Variants in CFAP45 observed in about 807,000 individuals in gnomAD.
CFAP45 encodes the protein cilia- and flagella-associated protein 45.
In CFAP45, 43 loss-of-function variants were observed where a neutral mutation model predicts 75.6. The ratio of observed to expected loss-of-function variants is 0.57; its 90% CI spans 0.45 to 0.73. CFAP45 has a LOEUF of 0.73. CFAP45 is among the 30% of genes least tolerant of loss of function. The pLI is 0.00. For synonymous variants in CFAP45, 223 were observed against 244.6 expected, an observed-to-expected ratio of 0.91 and a Z score of 0.82; for missense variants, 689 against 701.5, an observed-to-expected ratio of 0.98 and a Z score of 0.20.
rs758241535 is a variant in CFAP45, at chr1:159,884,532, C to A, written c.801G>T (p.Lys267Asn). 5.6e-6 allele frequency: 9 copies of A among 1,613,816 alleles called. No homozygotes were observed. In the East Asian group the frequency reaches 2.0e-4, roughly 36 times the overall value. ...GRRQIVEQME[K>N]NQEERSLLAE... ...CAAGCAGCGATCGCTCCTCCTGGTT[C>A]TTTTCCATCTGTTCCACAATTTGCC... Residue 267 changes from lysine to asparagine, a missense_variant, in exon 7 of 12, where the codon AAG becomes AAT. Lys to Asn is a moderately conservative substitution (Grantham distance 94). Coordinates refer to ENST00000368099, the MANE Select transcript of CFAP45 (RefSeq NM_012337.3).
intron 1 of CFAP45, among the ~76,000 whole-genome samples, chr1:159,894,190 C>T (rs1263137992): frequency 6.6e-6 from 1 of 152,024 alleles, no homozygotes; most frequent in Non-Finnish European, 1.5e-5. Flanking sequence ...AGCTGAAGGC[C>T]AAGTCGGCCA....
Position 159,886,340 on chromosome 1 carries a change from T to TA in CFAP45, c.767+170dup, listed in dbSNP as rs11303028. Among the ~76,000 whole-genome samples the TA allele has an allele frequency of 3.0e-3, 431 of 141,504 alleles. 1 individual carries two copies. Among genetic ancestry groups the TA allele is most frequent in the African/African-American group, 5.0e-3 (194 of 38,792 alleles). 92.8% of individuals were successfully genotyped at this position (141,504 alleles called of 152,430 possible). A position where few individuals can be genotyped will look rare whatever the true frequency, so the allele number is the denominator to read the frequency against. ...CTGGGCGACAGAGTGAGACTCCCTC[T>TA]AAAAAAAAAAAAAAGTTCTGTGATT... On this transcript the variant is annotated intron_variant, in intron 6 of 11. Transcript: ENST00000368099.
At chr1:159,892,676 G>A (rs937457398) in intron 2 of CFAP45, among the ~76,000 whole-genome samples, 1 of 152,156 alleles carries the variant, frequency 6.6e-6, no homozygotes, top group African/African-American at 2.4e-5. Flanking sequence ...TAGACTAAAG[G>A]AGTTGTCCAC....
rs1278224704 is a variant in CFAP45 at position 159,888,496 on chromosome 1, A to G, written c.273T>C (p.Ile91=). The G allele has an allele frequency of 6.2e-7, 1 of 1,613,770 alleles. No individual in the cohort carries two copies. Among genetic ancestry groups the G allele is most frequent in the South Asian group, 1.1e-5 (1 of 91,066 alleles). The part of the protein sequence containing the change: ...LITRDMVREL[I]VPTEDPSGES... Reference sequence around the variant, plus strand: ...CCCCGGAGGGATCCTCTGTGGGAACACTGTCACAAGAATAAACAGAGTTAG... The same window carrying G: ...CCCCGGAGGGATCCTCTGTGGGAACGCTGTCACAAGAATAAACAGAGTTAG... The change falls in exon 4 of 12, where the codon ATT becomes ATC. Residue 91 remains isoleucine, a splice_region_variant and synonymous_variant. Transcript: ENST00000368099.
chr1:159,892,053 G>A (rs1412668861), intron 2 of CFAP45, among the ~76,000 whole-genome samples: 1 of 152,178 alleles, frequency 6.6e-6, no homozygotes, highest in Non-Finnish European at 1.5e-5. Flanking sequence ...TTGGGAGGTC[G>A]AGGTGGGCAG....
chr1:159,893,398 G>A, intron 1 of CFAP45, 93 bp from the exon 2 acceptor site: 1 of 1,247,010 alleles, frequency 8.0e-7, no homozygotes, highest in Admixed American at 1.8e-5. Context: ...CTGGGGGAGT[G>A]GGTGGGCATG....
chr1:159,894,935 TG>T (rs1335458221), intron 1 of CFAP45, among the ~76,000 whole-genome samples: 1 of 152,186 alleles, frequency 6.6e-6, no homozygotes, highest in East Asian at 1.9e-4. Context: ...TTGGCAGTTT[TG>T]GGGGTGCAAC....
intron 1 of CFAP45, among the ~76,000 whole-genome samples, chr1:159,894,102 A>G (rs115748709): frequency 6.6e-6 from 1 of 152,160 alleles, no homozygotes; most frequent in Non-Finnish European, 1.5e-5. Flanking sequence ...AAATGTGTAC[A>G]ATCATTATGT....
chr1:159,873,379 T>C, intron 10 of CFAP45: 1 of 592,820 alleles, frequency 1.7e-6, no homozygotes, highest in Non-Finnish European at 3.0e-6. Flanking sequence ...CAGGACTAGC[T>C]CCAGGGTCGC....
intron 7 of CFAP45, 74 bp downstream of exon 7, chr1:159,884,362 C>T (rs953973004): frequency 6.1e-6 from 9 of 1,485,542 alleles, no homozygotes; most frequent in Middle Eastern, 1.8e-4. Context: ...AGTCAACACC[C>T]TGAAACCCCA....
chr1:159,893,013 CA>C (rs1197750288), intron 2 of CFAP45, among the ~76,000 whole-genome samples, 166 bp downstream of exon 2: 1 of 152,176 alleles, frequency 6.6e-6, no homozygotes, highest in African/African-American at 2.4e-5. Flanking sequence ...ACATAGGCCC[CA>C]CTAGATCCCA....
rs1194039564 is a variant in CFAP45, at chr1:159,873,293, C to A, written c.1353-125G>T. On this transcript the variant is annotated intron_variant, in intron 10 of 11. Transcript: ENST00000368099. ...GCCTCAGAGACCACAGCCCTCTGGG[C>A]TCCAGCCCCATTTTGTAACTCAAGG... 4.2e-6 allele frequency: 3 copies of A among 717,378 alleles called. No homozygotes were observed. The South Asian group carries it at 5.4e-5, about 13-fold the overall frequency. 44.4% of individuals were successfully genotyped at this position (717,378 alleles called of 1,614,324 possible). A position where few individuals can be genotyped will look rare whatever the true frequency, so the allele number is the denominator to read the frequency against.
chr1:159,890,275 T>A (rs867734728), intron 3 of CFAP45, among the ~76,000 whole-genome samples: 9 of 152,150 alleles, frequency 5.9e-5, no homozygotes, highest in South Asian at 4.1e-4. Flanking sequence ...ACAGTGGCAA[T>A]AATAGATACA....
At chr1:159,885,682 G>C (rs570276658) in intron 6 of CFAP45, among the ~76,000 whole-genome samples, 34 of 152,272 alleles carry the variant, frequency 2.2e-4, no homozygotes, top group African/African-American at 7.9e-4. Context: ...AACTGGATAC[G>C]AAAGGACCTG....
chr1:159,872,793 C>A, intron 11 of CFAP45, 151 bp downstream of exon 11: 1 of 841,374 alleles, frequency 1.2e-6, no homozygotes, highest in Middle Eastern at 3.2e-4. Context: ...GAGCCCCCTT[C>A]AGAGGGATGA....
At chr1:159,890,128 T>A (rs769860800) in intron 3 of CFAP45, among the ~76,000 whole-genome samples, 1 of 152,198 alleles carries the variant, frequency 6.6e-6, no homozygotes, top group Non-Finnish European at 1.5e-5. Context: ...AGGAAGTGAC[T>A]CATCTGGATC....
chr1:159,881,493 C>T (rs771992018), intron 7 of CFAP45, among the ~76,000 whole-genome samples: 4 of 152,234 alleles, frequency 2.6e-5, no homozygotes, highest in Non-Finnish European at 5.9e-5. Context: ...CGCTCTGCCC[C>T]AGTTACAGGA....
At position 159,872,580 on chromosome 1, in the gene CFAP45, G is replaced by A. The variant is rs1268679142; in HGVS notation, c.1578-17C>T. 2.0e-5 allele frequency: 32 copies of A among 1,611,270 alleles called. No homozygotes were observed. The highest frequency in any genetic ancestry group is 2.7e-5 in the Non-Finnish European group (32 of 1,177,360). ...CCAGTGGCTCTGCCGGGGAAACGCA[G>A]GCAGGTATAAGGAAAGGTATTGGAC... On this transcript the variant is annotated splice_polypyrimidine_tract_variant and intron_variant, in intron 11 of 11. Coordinates refer to ENST00000368099, the MANE Select transcript of CFAP45 (RefSeq NM_012337.3).
At chr1:159,887,117 G>C (rs865959889) in intron 5 of CFAP45, among the ~76,000 whole-genome samples, 1 of 152,126 alleles carries the variant, frequency 6.6e-6, no homozygotes, top group African/African-American at 2.4e-5. Flanking sequence ...GTTCTCCTCA[G>C]GGGAGCTAAG....
Sources: gnomAD v4.1 joint callset for allele counts (sites outside exome capture counted in the v4.1 genomes callset) on GRCh38, gnomAD v4.1.1 for gene constraint, MANE v1.5 for transcripts, NCBI Gene and HGNC (gene_info 2026-07-23, HGNC 2026-07-21) for gene names.